Variants in CYTH1 observed in about 807,000 individuals in gnomAD.
CYTH1 encodes cytohesin 1.
Under a neutral mutation model 61.8 loss-of-function variants are expected in CYTH1, and 18 were observed. That is an observed-to-expected ratio of 0.29 (90% CI 0.20 to 0.43). CYTH1 has a LOEUF of 0.43. Ranked by LOEUF, CYTH1 falls within the 20% of genes least tolerant of loss-of-function variation. The probability of loss-of-function intolerance (pLI) is 1.00; values close to 1 mark genes in which losing one functional copy is unlikely to be tolerated. For missense variants in CYTH1, 336 were observed against 510.5 expected (o/e 0.66, Z 3.29); for synonymous variants, 174 against 184.3 (o/e 0.94, Z 0.45).
At chr17:78,697,747 G>C (rs536331016) in intron 9 of CYTH1, among the ~76,000 whole-genome samples, 76 of 152,276 alleles carry the variant, frequency 5.0e-4, no homozygotes, top group African/African-American at 1.8e-3. Context: ...GCACTGGGGT[G>C]GGGGCAGGAG....
chr17:78,725,281 C>T (rs2093259953), intron 1 of CYTH1, among the ~76,000 whole-genome samples: 1 of 152,204 alleles, frequency 6.6e-6, no homozygotes, highest in South Asian at 2.1e-4. Context: ...TAACCATCAC[C>T]TGATGACCTT....
In CYTH1 at chr17:78,700,321, T is replaced by G; in HGVS notation, c.550+10A>C. On this transcript the variant is annotated intron_variant, in intron 7 of 13. Coordinates refer to ENST00000446868, the MANE Select transcript of CYTH1 (RefSeq NM_004762.6). This position sits in a 1 kb window ranked among gnomAD's most constrained non-coding sequence, Gnocchi z 5.1. The stretch of plus-strand genomic sequence containing the variant: ...GCCCATCATAAACTAGGATGAATGA[T>G]CGTATTTACCCGTGGACTGGAACAC... 1 of 1,596,256 alleles carries G rather than the reference T, an allele frequency of 6.3e-7. No individual in the cohort carries two copies. Among genetic ancestry groups the G allele is most frequent in the South Asian group, 1.1e-5 (1 of 87,720 alleles).
intron 1 of CYTH1, among the ~76,000 whole-genome samples, chr17:78,740,363 C>T (rs530780137): frequency 6.6e-6 from 1 of 152,336 alleles, no homozygotes; most frequent in South Asian, 2.1e-4. Flanking sequence ...CTCCTCCAGA[C>T]CTTTTGACTT....
chr17:78,703,104 T>G (rs1057153580), intron 3 of CYTH1, among the ~76,000 whole-genome samples: 1 of 151,194 alleles, frequency 6.6e-6, no homozygotes, highest in Non-Finnish European at 1.5e-5. Context: ...TTTTTTAACA[T>G]GATTTTTAAA....
intron 1 of CYTH1, among the ~76,000 whole-genome samples, chr17:78,743,100 G>A (rs1024203937): frequency 2.0e-5 from 3 of 152,160 alleles, no homozygotes; most frequent in South Asian, 2.1e-4. Context: ...AAAATGTTGC[G>A]TAACTATTTT....
intron 1 of CYTH1, among the ~76,000 whole-genome samples, chr17:78,725,870 CTCA>C (rs2093263768): frequency 6.6e-6 from 1 of 152,132 alleles, no homozygotes; most frequent in Non-Finnish European, 1.5e-5. Context: ...TGTGGCCCTC[CTCA>C]TATCTGAACA....
intron 1 of CYTH1, among the ~76,000 whole-genome samples, 199 bp downstream of exon 1, chr17:78,782,002 AC>A (rs2144797597): frequency 7.0e-6 from 1 of 142,716 alleles, no homozygotes; most frequent in South Asian, 2.3e-4. Context: ...GGCCCCGGCG[AC>A]CCTCATCCCT....
intron 1 of CYTH1, among the ~76,000 whole-genome samples, chr17:78,762,455 T>A (rs926058657): frequency 2.6e-5 from 4 of 152,314 alleles, no homozygotes; most frequent in African/African-American, 9.6e-5. Flanking sequence ...AGGATTAAAC[T>A]GCCCATTCTC....
intron 1 of CYTH1, among the ~76,000 whole-genome samples, chr17:78,745,520 T>A (rs971820005): frequency 6.6e-6 from 1 of 152,290 alleles, no homozygotes; most frequent in South Asian, 2.1e-4. Flanking sequence ...ATACTGAATG[T>A]CATAAATTCC....
intron 11 of CYTH1, 79 bp downstream of exon 11, chr17:78,692,338 C>A: frequency 6.2e-6 from 9 of 1,451,124 alleles, no homozygotes; most frequent in Non-Finnish European, 8.7e-6. Context: ...ACGGTCTCCT[C>A]AACCATGTCT....
intron 1 of CYTH1, among the ~76,000 whole-genome samples, chr17:78,733,924 C>G: frequency 6.6e-6 from 1 of 152,234 alleles, no homozygotes; most frequent in Non-Finnish European, 1.5e-5. Context: ...ATTTTGGAAT[C>G]TATCCCAAAG....
chr17:78,722,418 C>T (rs1448161568), intron 1 of CYTH1, among the ~76,000 whole-genome samples: 3 of 152,180 alleles, frequency 2.0e-5, no homozygotes, highest in Non-Finnish European at 4.4e-5. Flanking sequence ...AAGTGGCCTG[C>T]TCCTTCACTC....
At chr17:78,677,580 T>C (rs1240346942) in intron 13 of CYTH1, 1 of 159,002 alleles carries the variant, frequency 6.3e-6, no homozygotes, top group Non-Finnish European at 1.4e-5. Context: ...GTTCTACTGC[T>C]GTACCTCTGG....
intron 2 of CYTH1, chr17:78,709,076 T>A (rs2144398327): frequency 6.6e-6 from 1 of 152,506 alleles, no homozygotes; most frequent in East Asian, 1.9e-4. Flanking sequence ...GCTTGATAGT[T>A]ACAAAAAGGA....
intron 1 of CYTH1, among the ~76,000 whole-genome samples, chr17:78,752,731 G>C (rs1304220255): frequency 2.0e-5 from 3 of 152,114 alleles, no homozygotes; most frequent in Non-Finnish European, 4.4e-5. Context: ...ACCTGGCCAA[G>C]AGAGAGAACT....
intron 11 of CYTH1, among the ~76,000 whole-genome samples, chr17:78,684,719 T>G (rs1488248183): frequency 6.6e-6 from 1 of 152,260 alleles, no homozygotes; most frequent in Non-Finnish European, 1.5e-5. Context: ...ACAGGTTTTA[T>G]GAAAATGGGA....
chr17:78,752,803 A>T (rs181468696), intron 1 of CYTH1, among the ~76,000 whole-genome samples: 1 of 152,338 alleles, frequency 6.6e-6, no homozygotes. Context: ...CACACACCTC[A>T]TATCACAATG....
chr17:78,760,269 C>T lies in CYTH1; in HGVS notation c.22+21933G>A, dbSNP rs188027376. ...CATGGTTGAATTTTACAAATTTAGACATATAAAGCTAAAAACTCAAGAAAC... is the reference window on the plus strand; with the variant it reads ...CATGGTTGAATTTTACAAATTTAGATATATAAAGCTAAAAACTCAAGAAAC... On this transcript the variant is annotated intron_variant, in intron 1 of 13. Transcript: ENST00000446868. Among the ~76,000 whole-genome samples the T allele has an allele frequency of 9.4e-5, 14 of 149,348 alleles. 1 individual carries two copies. The highest frequency in any genetic ancestry group is 5.4e-4 in the Admixed American group (8 of 14,782).
intron 10 of CYTH1, among the ~76,000 whole-genome samples, 166 bp from the exon 11 acceptor site, chr17:78,692,659 G>C (rs969724998): frequency 9.2e-5 from 14 of 151,974 alleles, no homozygotes; most frequent in Admixed American, 9.2e-4. Context: ...AGCTGAAACA[G>C]AAGCGTCTTT....
Sources: gnomAD v4.1 joint callset for allele counts (sites outside exome capture counted in the v4.1 genomes callset) on GRCh38, gnomAD v4.1.1 for gene constraint, Gnocchi (gnomAD v3.1) non-coding constraint, MANE v1.5 for transcripts, NCBI Gene and HGNC (gene_info 2026-07-23, HGNC 2026-07-21) for gene names.